Variants in CD302 observed in about 807,000 individuals in gnomAD.
CD302 encodes the protein CD302 molecule.
A neutral mutation model predicts 26.5 loss-of-function variants in CD302; 23 were observed. The ratio of observed to expected loss-of-function variants is 0.87; its 90% CI spans 0.62 to 1.23. The LOEUF is 1.23. CD302 is among the 50% of genes most tolerant of loss of function. The probability of loss-of-function intolerance (pLI) is 0.00; values close to 1 mark genes in which losing one functional copy is unlikely to be tolerated. For synonymous variants in CD302, 90 were observed against 99.4 expected (o/e 0.91, Z 0.56); for missense variants, 290 against 275.5 (o/e 1.05, Z -0.37).
chr2:159,773,324 T>C (rs1471269102), intron 5 of CD302, among the ~76,000 whole-genome samples: 1 of 152,180 alleles, frequency 6.6e-6, no homozygotes, highest in East Asian at 1.9e-4. Context: ...CCGTAGTTAG[T>C]TTTATTAGAA....
In CD302 at chr2:159,768,770, T is replaced by C. The variant is rs1708033496; in HGVS notation, c.*3081A>G. The C allele has an allele frequency of 6.6e-6, 1 of 152,280 alleles. No homozygotes were observed. Among genetic ancestry groups the C allele is most frequent in the Non-Finnish European group, 1.5e-5 (1 of 68,010 alleles). The allele number at this position is 152,280 out of a possible 1,614,324, so 9.4% of individuals were successfully genotyped here. A position where few individuals can be genotyped will look rare whatever the true frequency, so the allele number is the denominator to read the frequency against. On this transcript the variant is annotated 3_prime_UTR_variant, in exon 6 of 6. Coordinates refer to ENST00000259053, the MANE Select transcript of CD302 (RefSeq NM_014880.5). ...AATATAAAATTTAAGGGTGGTAGTT[T>C]TAATATATTCTGTGGGTCCTAAGGG...
chr2:159,798,112 G>A lies in CD302; in HGVS notation c.67+20C>T, dbSNP rs755751360. 2 of 1,495,766 alleles carry A rather than the reference G, an allele frequency of 1.3e-6. No individual in the cohort carries two copies. Among genetic ancestry groups the A allele is most frequent in the Non-Finnish European group, 8.9e-7 (1 of 1,128,196 alleles). 92.7% of individuals were successfully genotyped at this position (1,495,766 alleles called of 1,614,324 possible). ...AGGCGGTCGCGCACGGTCCCGGCGA[G>A]GGACTACGTAAGGGCTTACCCGCGA... On this transcript the variant is annotated intron_variant, in intron 1 of 5. Coordinates refer to ENST00000259053, the MANE Select transcript of CD302 (RefSeq NM_014880.5).
chr2:159,790,502 C>A (rs1033091504), intron 1 of CD302, among the ~76,000 whole-genome samples: 68 of 152,294 alleles, frequency 4.5e-4, no homozygotes, highest in African/African-American at 1.5e-3. Context: ...CCCTCCTTCC[C>A]CTCTCTGCTG....
intron 1 of CD302, among the ~76,000 whole-genome samples, chr2:159,786,134 G>A (rs1463352003): frequency 6.6e-6 from 1 of 151,886 alleles, no homozygotes; most frequent in African/African-American, 2.4e-5. Context: ...TAAAAATAGG[G>A]ACTAAGCCTT....
In CD302 at chr2:159,769,194, C is replaced by T. The variant is rs1708053175; in HGVS notation, c.*2657G>A. ...TTTAAAATGTTATTCTGAATATCTG[C>T]CAAAGAATTATATTGTTATTACTAG... On this transcript the variant is annotated 3_prime_UTR_variant, in exon 6 of 6. Transcript: ENST00000259053. The T allele has an allele frequency of 6.6e-6, 1 of 152,090 alleles. No homozygotes were observed. Among genetic ancestry groups the T allele is most frequent in the Non-Finnish European group, 1.5e-5 (1 of 68,006 alleles). The allele number at this position is 152,090 out of a possible 1,614,324, so 9.4% of individuals were successfully genotyped here.
At chr2:159,774,112 A>G (rs1560040777) in intron 5 of CD302, among the ~76,000 whole-genome samples, 1 of 151,808 alleles carries the variant, frequency 6.6e-6, no homozygotes, top group East Asian at 1.9e-4. Flanking sequence ...CCTTGAAGTT[A>G]TCTCCTACTC....
At chr2:159,778,156 A>G (rs990202153) in intron 4 of CD302, among the ~76,000 whole-genome samples, 192 bp from the exon 5 acceptor site, 1 of 152,164 alleles carries the variant, frequency 6.6e-6, no homozygotes, top group Non-Finnish European at 1.5e-5. Flanking sequence ...TAGTTTTTAA[A>G]GAAAGATGTA....
rs1708092130 is a variant in CD302, at chr2:159,770,230, C to CTA, written c.*1619_*1620dup. On this transcript the variant is annotated 3_prime_UTR_variant, in exon 6 of 6. Coordinates refer to ENST00000259053, the MANE Select transcript of CD302 (RefSeq NM_014880.5). ...GTTCAATATTGACATTAGTAATAGT[C>CTA]TATCAATAATAAAATAGACATCTCA... The CTA allele has an allele frequency of 6.6e-6, 1 of 152,072 alleles. No homozygotes were observed. The highest frequency in any genetic ancestry group is 6.6e-5 in the Admixed American group (1 of 15,266). The allele number at this position is 152,072 out of a possible 1,614,324, so 9.4% of individuals were successfully genotyped here.
chr2:159,779,873 G>T, intron 4 of CD302, 132 bp downstream of exon 4: 2 of 1,044,294 alleles, frequency 1.9e-6, no homozygotes, highest in Non-Finnish European at 1.3e-6. Flanking sequence ...ATAATGCTGG[G>T]ATTGCAGGCG....
intron 5 of CD302, among the ~76,000 whole-genome samples, chr2:159,777,170 G>A (rs1433734655): frequency 6.6e-6 from 1 of 152,198 alleles, no homozygotes; most frequent in Non-Finnish European, 1.5e-5. Context: ...AGTATCGCTT[G>A]AGCCCAGGAG....
At chr2:159,787,541 C>G (rs933028368) in intron 1 of CD302, among the ~76,000 whole-genome samples, 18 of 151,776 alleles carry the variant, frequency 1.2e-4, no homozygotes, top group Non-Finnish European at 4.4e-5. Context: ...TTATTAATAC[C>G]TCAAATAAAT....
At chr2:159,786,644 C>T (rs1708674013) in intron 1 of CD302, among the ~76,000 whole-genome samples, 2 of 152,136 alleles carry the variant, frequency 1.3e-5, no homozygotes, top group Admixed American at 6.6e-5. Context: ...AAGTTTCTTA[C>T]ATACTAAAAT....
chr2:159,781,143 CTA>C (rs1708493660), intron 2 of CD302, 145 bp from the exon 3 acceptor site: 1 of 661,496 alleles, frequency 1.5e-6, no homozygotes, highest in Non-Finnish European at 2.5e-6. Context: ...TTCATACAAG[CTA>C]ATAAGGTTAC....
intron 5 of CD302, among the ~76,000 whole-genome samples, chr2:159,774,700 T>C (rs1200379388): frequency 1.3e-5 from 2 of 152,166 alleles, no homozygotes; most frequent in African/African-American, 4.8e-5. Flanking sequence ...TCCAGTAACC[T>C]TTGCTGAACC....
At chr2:159,792,145 C>T (rs1469857494) in intron 1 of CD302, among the ~76,000 whole-genome samples, 1 of 152,154 alleles carries the variant, frequency 6.6e-6, no homozygotes, top group African/African-American at 2.4e-5. Flanking sequence ...GCTGAAAGGT[C>T]AGCTTCAAGA....
At chr2:159,790,351 G>C (rs1156451701) in intron 1 of CD302, among the ~76,000 whole-genome samples, 1 of 152,014 alleles carries the variant, frequency 6.6e-6, no homozygotes, top group Non-Finnish European at 1.5e-5. Context: ...GGATAAATAG[G>C]AAGTTGCCAC....
At chr2:159,781,586 AC>A (rs1245859528) in intron 2 of CD302, 1 of 137,810 alleles carries the variant, frequency 7.3e-6, no homozygotes, top group East Asian at 2.0e-4. Flanking sequence ...GAAAGAAAGA[AC>A]AAATGAAAAG....
chr2:159,784,968 C>T (rs927634431), intron 1 of CD302, among the ~76,000 whole-genome samples: 6 of 127,244 alleles, frequency 4.7e-5, no homozygotes, highest in Non-Finnish European at 8.0e-5. Flanking sequence ...TGTATCCGTA[C>T]AGACTTTTTT....
chr2:159,797,618 T>G (rs961123119), intron 1 of CD302, among the ~76,000 whole-genome samples: 1 of 152,222 alleles, frequency 6.6e-6, no homozygotes, highest in African/African-American at 2.4e-5. Context: ...ACTGTTTTCC[T>G]GTTTAAACAA....
Sources: allele counts gnomAD v4.1 joint callset (sites outside exome capture counted in the v4.1 genomes callset), GRCh38; gene constraint gnomAD v4.1.1; transcripts MANE v1.5; gene names NCBI Gene and HGNC (gene_info 2026-07-23, HGNC 2026-07-21).